Variants in MAP3K19 observed in about 807,000 individuals in gnomAD.
The protein encoded by MAP3K19 is SPS1/STE20-related protein kinase YSK4.
MAP3K19 carries 91 observed loss-of-function variants against 114.4 expected under a neutral mutation model. The ratio of observed to expected loss-of-function variants is 0.80; its 90% CI spans 0.67 to 0.95. MAP3K19 has a LOEUF of 0.95. MAP3K19 is among the 40% of genes least tolerant of loss of function. The probability of loss-of-function intolerance (pLI) is 0.00; values close to 1 mark genes in which losing one functional copy is unlikely to be tolerated. For missense variants in MAP3K19, 1,471 were observed against 1,573.2 expected (o/e 0.94, Z 1.10); for synonymous variants, 518 against 530.5 (o/e 0.98, Z 0.32).
intron 3 of MAP3K19, among the ~76,000 whole-genome samples, chr2:135,029,105 G>C (rs1688320076): frequency 6.6e-6 from 1 of 152,216 alleles, no homozygotes; most frequent in Non-Finnish European, 1.5e-5. Flanking sequence ...GGGCGCAGTG[G>C]CTCACGCCTG....
intron 12 of MAP3K19, among the ~76,000 whole-genome samples, chr2:134,978,449 C>A (rs1047778110): frequency 3.3e-5 from 5 of 152,130 alleles, no homozygotes; most frequent in African/African-American, 1.2e-4. Flanking sequence ...GATCCCCCCA[C>A]CTCGGCCTTC....
chr2:135,000,431 T>C (rs1470887827), intron 6 of MAP3K19, among the ~76,000 whole-genome samples: 1 of 152,254 alleles, frequency 6.6e-6, no homozygotes, highest in Non-Finnish European at 1.5e-5. Flanking sequence ...TTTCATGAAC[T>C]AATTTCCAGA....
At chr2:135,019,086 A>T (rs1399627237) in intron 5 of MAP3K19, among the ~76,000 whole-genome samples, 1 of 152,130 alleles carries the variant, frequency 6.6e-6, no homozygotes, top group Non-Finnish European at 1.5e-5. Flanking sequence ...TCTCAAAAAA[A>T]AAGAAAAAAA....
intron 2 of MAP3K19, among the ~76,000 whole-genome samples, chr2:135,035,696 C>G (rs1688510553): frequency 6.6e-6 from 1 of 152,066 alleles, no homozygotes; most frequent in Non-Finnish European, 1.5e-5. Flanking sequence ...CTCAATAAAG[C>G]TGTTTTTGAA....
At chr2:135,045,864 ACATAG>A (rs1261149284) in intron 1 of MAP3K19, among the ~76,000 whole-genome samples, 1 of 152,174 alleles carries the variant, frequency 6.6e-6, no homozygotes, top group Non-Finnish European at 1.5e-5. Context: ...TGGAATGAGC[ACATAG>A]CATTATCCCT....
chr2:135,003,834 G>C (rs1035149124), intron 6 of MAP3K19, among the ~76,000 whole-genome samples: 3 of 152,158 alleles, frequency 2.0e-5, no homozygotes, highest in Admixed American at 1.3e-4. Flanking sequence ...GATTACAGGC[G>C]TGAGCCACAG....
At chr2:135,024,346 A>ATAAGTCCTG (rs1233846675) in intron 4 of MAP3K19, among the ~76,000 whole-genome samples, 1 of 152,074 alleles carries the variant, frequency 6.6e-6, no homozygotes, top group African/African-American at 2.4e-5. Flanking sequence ...AAGAACCACT[A>ATAAGTCCTG]TAAGTCCCTC....
In MAP3K19 at chr2:135,034,485, G is replaced by A. The variant is rs1220181422; in HGVS notation, c.-283-3985C>T. 3.1e-5 allele frequency among the ~76,000 whole-genome samples: 4 copies of A among 128,374 alleles called. 1 individual carries two copies. In the East Asian group the frequency reaches 7.1e-4, roughly 23 times the overall value. The allele number at this position is 128,374 out of a possible 152,430, so 84.2% of individuals were successfully genotyped here. On this transcript the variant is annotated intron_variant, in intron 2 of 12. Coordinates refer to ENST00000392915, the MANE Select transcript of MAP3K19 (RefSeq NM_025052.5). Reference sequence around the variant, plus strand: ...TGGGAGGTGGAGGTTGTAGCGAGCCGAGATCACGCCACTGCACTCCAGCCT... The same window carrying A: ...TGGGAGGTGGAGGTTGTAGCGAGCCAAGATCACGCCACTGCACTCCAGCCT...
intron 5 of MAP3K19, among the ~76,000 whole-genome samples, chr2:135,017,381 A>G (rs557514438): frequency 3.6e-4 from 55 of 152,316 alleles, no homozygotes; most frequent in South Asian, 6.2e-4. Flanking sequence ...TAGGTGGGGA[A>G]GGAGGATGGA....
chr2:134,980,980 C>T lies in MAP3K19; in HGVS notation c.3761G>A (p.Gly1254Asp). The change falls in exon 12 of 13, where the codon GGT becomes GAT. Residue 1254 changes from glycine to aspartate, a missense_variant. Physicochemically the swap from Gly to Asp is moderately conservative, Grantham distance 94. Coordinates refer to ENST00000392915, the MANE Select transcript of MAP3K19 (RefSeq NM_025052.5). ...YGRKSDIWSI[G>D]CTVFEMATGK... The stretch of plus-strand genomic sequence containing the variant: ...TGTAGCCATCTCAAACACAGTACAA[C>T]CAATGCTCCAGATATCTGATTTCCG... 6.2e-7 allele frequency: 1 copy of T among 1,614,186 alleles called. No homozygotes were observed. Among genetic ancestry groups the T allele is most frequent in the Non-Finnish European group, 8.5e-7 (1 of 1,180,036 alleles).
Position 134,987,767 on chromosome 2 carries a change from A to G in MAP3K19, c.1105T>C (p.Ser369Pro). The G allele has an allele frequency of 6.2e-7, 1 of 1,608,156 alleles. No individual in the cohort carries two copies. The highest frequency in any genetic ancestry group is 8.5e-7 in the Non-Finnish European group (1 of 1,179,968). The change falls in exon 10 of 13, where the codon TCA becomes CCA. Residue 369 changes from serine to proline, a missense_variant. Physicochemically the swap from Ser to Pro is moderately conservative, Grantham distance 74 (BLOSUM62 -1). Transcript: ENST00000392915. ...GCTACTGAACTCTCATTCTTTCTTG[A>G]TGAAAGATATTGAGAGTTCTCTTCT... ...PEEENSQYLS[S>P]RKNESSVAKN...
intron 3 of MAP3K19, among the ~76,000 whole-genome samples, chr2:135,030,073 G>A (rs1186731130): frequency 1.3e-5 from 2 of 152,162 alleles, no homozygotes; most frequent in African/African-American, 4.8e-5. Context: ...GGGGTGTTGT[G>A]TGACTTCTAG....
At chr2:135,034,284 C>A (rs975415872) in intron 2 of MAP3K19, among the ~76,000 whole-genome samples, 1 of 129,200 alleles carries the variant, frequency 7.7e-6, no homozygotes, top group Non-Finnish European at 1.5e-5. Flanking sequence ...ACTTCCCAGA[C>A]GGGATGGCGG....
At chr2:135,009,743 G>A (rs553615483) in intron 5 of MAP3K19, among the ~76,000 whole-genome samples, 5 of 151,996 alleles carry the variant, frequency 3.3e-5, no homozygotes, top group Admixed American at 6.6e-5. Context: ...TTCTATATGC[G>A]TTACACATAT....
chr2:135,025,372 C>CTTTTTTTTTTTTTTTTTTTTTTTTT (rs1054458367), intron 3 of MAP3K19, among the ~76,000 whole-genome samples: 2 of 70,138 alleles, frequency 2.9e-5, no homozygotes, highest in African/African-American at 1.4e-4. Context: ...ATGGCCTTTT[C>CTTTTTTTTTTTTTTTTTTTTTTTTT]TTTTCTTTTT....
rs116014789 is a variant in MAP3K19, at chr2:134,967,770, G to T, written c.3921-2854C>A. Among the ~76,000 whole-genome samples the T allele has an allele frequency of 2.7e-3, 406 of 151,848 alleles. 1 individual carries two copies. The highest frequency in any genetic ancestry group is 9.4e-3 in the African/African-American group (388 of 41,424). On this transcript the variant is annotated intron_variant, in intron 12 of 12. Transcript: ENST00000392915. The stretch of plus-strand genomic sequence containing the variant: ...AAACTGAGGGAACTCAGGGGCCTGT[G>T]CCTGTTCAGATCCTTGGTATGCTGA...
At chr2:135,023,407 C>G in intron 4 of MAP3K19, 1 of 531,210 alleles carries the variant, frequency 1.9e-6, no homozygotes, top group Non-Finnish European at 3.9e-6. Context: ...TGACCTCACC[C>G]ACCATCATGT....
chr2:135,035,540 T>C (rs62168935), intron 2 of MAP3K19, among the ~76,000 whole-genome samples: 6,358 of 152,336 alleles, frequency 0.042, 161 homozygotes, highest in African/African-American at 0.055. Context: ...GGTTTCTTTT[T>C]ATCTTCTTTT....
intron 2 of MAP3K19, among the ~76,000 whole-genome samples, chr2:135,040,009 AT>A (rs1688614918): frequency 6.6e-6 from 1 of 152,114 alleles, no homozygotes; most frequent in Non-Finnish European, 1.5e-5. Context: ...GTTTACGTGC[AT>A]TTGTTAGAGC....
Sources: allele counts gnomAD v4.1 joint callset (sites outside exome capture counted in the v4.1 genomes callset), GRCh38; gene constraint gnomAD v4.1.1; transcripts MANE v1.5; gene names NCBI Gene and HGNC (gene_info 2026-07-23, HGNC 2026-07-21).